Variants in PSMD3 observed in about 807,000 individuals in gnomAD.
PSMD3 encodes the protein proteasome 26S subunit, non-ATPase 3.
A neutral mutation model predicts 62.8 loss-of-function variants in PSMD3; 5 were observed. The observed-to-expected ratio is 0.08, with a 90% CI of 0.04 to 0.17. The LOEUF (loss-of-function observed/expected upper bound fraction) is 0.17, where lower values mean the gene tolerates loss of function less well. Ranked by LOEUF, PSMD3 falls within the 10% of genes least tolerant of loss-of-function variation. The probability of loss-of-function intolerance (pLI) is 1.00; values close to 1 mark genes in which losing one functional copy is unlikely to be tolerated. For synonymous variants in PSMD3, 265 were observed against 283.9 expected, an observed-to-expected ratio of 0.93 and a Z score of 0.67; for missense variants, 524 against 713.6, an observed-to-expected ratio of 0.73 and a Z score of 3.03.
Position 39,989,750 on chromosome 17 carries a change from C to T in PSMD3, c.698C>T (p.Ala233Val). Residue 233 changes from alanine to valine, a missense_variant, in exon 5 of 12, where the codon GCT (alanine) becomes GTT (valine). Physicochemically the swap from Ala to Val is moderately conservative, Grantham distance 64. Transcript: ENST00000264639. Reference protein sequence around the residue: ...KLDVVRSFLHARLRTATLRHD... With the variant: ...KLDVVRSFLHVRLRTATLRHD... Reference sequence around the variant, plus strand: ...TTTCCTTCTTGAAGCTTCTTGCATGCTCGGCTCCGGACAGCTACGCTTCGG... The same window carrying T: ...TTTCCTTCTTGAAGCTTCTTGCATGTTCGGCTCCGGACAGCTACGCTTCGG... 6.2e-7 allele frequency: 1 copy of T among 1,613,292 alleles called. No homozygotes were observed. Among genetic ancestry groups the T allele is most frequent in the Non-Finnish European group, 8.5e-7 (1 of 1,179,792 alleles).
At chr17:39,989,498 T>G (rs754404004) in intron 4 of PSMD3, among the ~76,000 whole-genome samples, 1 of 152,224 alleles carries the variant, frequency 6.6e-6, no homozygotes, top group South Asian at 2.1e-4. Flanking sequence ...AGGCTGTGCT[T>G]CTTTCTCATG....
At chr17:39,981,861 C>T (rs1980393654) in intron 1 of PSMD3, among the ~76,000 whole-genome samples, 1 of 152,158 alleles carries the variant, frequency 6.6e-6, no homozygotes, top group East Asian at 1.9e-4. Flanking sequence ...TTGGCCTAAA[C>T]TCCTATATAC....
intron 1 of PSMD3, 139 bp from the exon 2 acceptor site, chr17:39,984,155 A>T (rs895791320): frequency 4.2e-6 from 3 of 712,744 alleles, no homozygotes; most frequent in Non-Finnish European, 6.5e-6. Context: ...AGCCGAGATC[A>T]CACCACTGCA....
At chr17:39,994,165 C>T (rs1398386076) in intron 6 of PSMD3, 2 of 152,334 alleles carry the variant, frequency 1.3e-5, no homozygotes, top group Admixed American at 1.3e-4. Flanking sequence ...ACAGGGCAGC[C>T]TCATGGGTGC....
Position 39,989,856 on chromosome 17 carries a change from G to A in PSMD3, c.804G>A (p.Glu268=). Residue 268 remains glutamate (E), a synonymous_variant, in exon 5 of 12, where the codon GAG becomes GAA. Transcript: ENST00000264639. ...YLHYSLYDQA[E]KLVSKSVFPE... ...ACTACAGCTTGTACGACCAGGCTGA[G>A]AAGCTGGTGTCCAAGTCTGTGTTCC... The A allele has an allele frequency of 6.2e-7, 1 of 1,614,204 alleles. No individual in the cohort carries two copies. The highest frequency in any genetic ancestry group is 8.5e-7 in the Non-Finnish European group (1 of 1,180,044).
Position 39,995,649 on chromosome 17 carries a change from G to A in PSMD3, c.1320+122G>A. 1 of 946,800 alleles carries A rather than the reference G, an allele frequency of 1.1e-6. No homozygotes were observed. The highest frequency in any genetic ancestry group is 2.1e-5 in the Admixed American group (1 of 46,730). 58.6% of individuals were successfully genotyped at this position (946,800 alleles called of 1,614,324 possible). ...GTAAAGCAATGGCATAGTCATTTCAGGGCGTGCCCGTCATTTGCAGTGAAG... is the reference window on the plus strand; with the variant it reads ...GTAAAGCAATGGCATAGTCATTTCAAGGCGTGCCCGTCATTTGCAGTGAAG... On this transcript the variant is annotated intron_variant, in intron 9 of 11. Transcript: ENST00000264639. The surrounding 1 kb of genome is among the most constrained non-coding windows in gnomAD (Gnocchi z 4.1).
Position 39,997,830 on chromosome 17 carries a change from G to T in PSMD3, c.*249G>T, listed in dbSNP as rs140846638. The T allele has an allele frequency of 1.5e-4, 84 of 570,842 alleles. No homozygotes were observed. In the Middle Eastern group the frequency reaches 1.9e-3, roughly 13 times the overall value. The allele number at this position is 570,842 out of a possible 1,614,324, so 35.4% of individuals were successfully genotyped here. A position where few individuals can be genotyped will look rare whatever the true frequency, so the allele number is the denominator to read the frequency against. ...GGGCAGGGTCCTGGCCAGCAGTGTG[G>T]GAGCAGGAGGGGAAGGATAGTTCTG... On this transcript the variant is annotated 3_prime_UTR_variant, in exon 12 of 12. Coordinates refer to ENST00000264639, the MANE Select transcript of PSMD3 (RefSeq NM_002809.4).
Position 39,986,024 on chromosome 17 carries a change from T to C in PSMD3, c.412-551T>C, listed in dbSNP as rs57174024. 7.9e-3 allele frequency among the ~76,000 whole-genome samples: 1,201 copies of C among 152,354 alleles called. 18 individuals carry two copies. Among genetic ancestry groups the C allele is most frequent in the African/African-American group, 0.028 (1,158 of 41,584 alleles). On this transcript the variant is annotated intron_variant, in intron 2 of 11. Coordinates refer to ENST00000264639, the MANE Select transcript of PSMD3 (RefSeq NM_002809.4). ...TACATCGTCCTTTGTCTCCATTATG[T>C]TGTGTAAAGAAATTTTTTGTTCTCC...
chr17:39,987,279 C>T (rs4433838), intron 3 of PSMD3, among the ~76,000 whole-genome samples: 85,326 of 152,064 alleles, frequency 0.56, 24,200 homozygotes, highest in Middle Eastern at 0.74. Flanking sequence ...CACAGGAGCA[C>T]ACTCAGGAAG....
chr17:39,982,280 G>A (rs2144806269), intron 1 of PSMD3, among the ~76,000 whole-genome samples: 2 of 152,310 alleles, frequency 1.3e-5, no homozygotes, highest in Middle Eastern at 6.8e-3. Context: ...TGCCTACTGG[G>A]TGTGTTTATT....
chr17:39,997,273 G>A (rs917357776), intron 10 of PSMD3, 57 bp from the exon 11 acceptor site: 15 of 1,567,906 alleles, frequency 9.6e-6, no homozygotes, highest in East Asian at 4.5e-5. Context: ...TGCAGGTTGC[G>A]TGAGTGCCTC....
chr17:39,989,762 C>G lies in PSMD3; in HGVS notation c.710C>G (p.Thr237Arg). The part of the protein sequence containing the change: ...VRSFLHARLR[T>R]ATLRHDADGQ... The stretch of plus-strand genomic sequence containing the variant: ...AGCTTCTTGCATGCTCGGCTCCGGA[C>G]AGCTACGCTTCGGCATGACGCAGAC... The change falls in exon 5 of 12, where the codon ACA (threonine) becomes AGA (arginine). Residue 237 changes from threonine (T) to arginine (R), a missense_variant. Thr to Arg is a moderately conservative substitution (Grantham distance 71, BLOSUM62 -1). Around this residue, in one of 4 missense-constraint regions of PSMD3, gnomAD observed 396 missense variants for 475.8 expected, o/e 0.83. Transcript: ENST00000264639. 6.2e-7 allele frequency: 1 copy of G among 1,613,940 alleles called. No individual in the cohort carries two copies. The highest frequency in any genetic ancestry group is 8.5e-7 in the Non-Finnish European group (1 of 1,180,022).
chr17:39,990,865 A>G (rs1449472022), intron 6 of PSMD3, among the ~76,000 whole-genome samples: 1 of 152,220 alleles, frequency 6.6e-6, no homozygotes, highest in Non-Finnish European at 1.5e-5. Context: ...TCAAGTAAAC[A>G]TAAAACTTGG....
In PSMD3 at chr17:39,996,595, G is replaced by A; in HGVS notation, c.1476+257G>A. ...GGACCAGGCAGGGATTCAGAGGGCG[G>A]GGTTCTACATTTGGTTCCAAATTTG... On this transcript the variant is annotated intron_variant, in intron 10 of 11. Coordinates refer to ENST00000264639, the MANE Select transcript of PSMD3 (RefSeq NM_002809.4). The surrounding 1 kb of genome is among the most constrained non-coding windows in gnomAD (Gnocchi z 5.1). 4.6e-6 allele frequency: 3 copies of A among 653,968 alleles called. No homozygotes were observed. Among genetic ancestry groups the A allele is most frequent in the South Asian group, 4.5e-5 (3 of 66,452 alleles). The allele number at this position is 653,968 out of a possible 1,614,324, so 40.5% of individuals were successfully genotyped here.
intron 1 of PSMD3, among the ~76,000 whole-genome samples, chr17:39,982,312 TGTAAA>T (rs1220230513): frequency 1.3e-5 from 2 of 152,220 alleles, no homozygotes; most frequent in East Asian, 3.8e-4. Context: ...ATTTTCTTCT[TGTAAA>T]GTAATTCATA....
At chr17:39,994,689 C>T (rs573430799) in intron 6 of PSMD3, 40 of 491,618 alleles carry the variant, frequency 8.1e-5, no homozygotes, top group Middle Eastern at 6.0e-4. Context: ...GAGCAGACTA[C>T]GCGCGGGGTG....
At chr17:39,987,765 G>A (rs112324589) in intron 3 of PSMD3, among the ~76,000 whole-genome samples, 13,456 of 148,468 alleles carry the variant, frequency 0.091, 658 homozygotes, top group African/African-American at 0.13. Flanking sequence ...TTACAGGCAC[G>A]TGCCACTGTA....
At chr17:39,994,692 G>A (rs1022296768) in intron 6 of PSMD3, 15 of 499,402 alleles carry the variant, frequency 3.0e-5, no homozygotes, top group African/African-American at 5.8e-5. Context: ...CAGACTACGC[G>A]CGGGGTGGCC....
intron 10 of PSMD3, 72 bp from the exon 11 acceptor site, chr17:39,997,258 G>T: frequency 1.4e-6 from 2 of 1,452,844 alleles, no homozygotes; most frequent in South Asian, 1.1e-5. Context: ...AGGGGACGCA[G>T]GGAGTGCAGG....
Sources: allele counts gnomAD v4.1 joint callset (sites outside exome capture counted in the v4.1 genomes callset), GRCh38; gene constraint gnomAD v4.1.1; regional missense constraint gnomAD v4.1.1; non-coding constraint Gnocchi (gnomAD v3.1); transcripts MANE v1.5; gene names NCBI Gene and HGNC (gene_info 2026-07-23, HGNC 2026-07-21).